Variants in PATJ observed in about 807,000 individuals in gnomAD.
PATJ encodes the protein inaD-like protein.
PATJ carries 190 observed loss-of-function variants against 224.9 expected under a neutral mutation model. The ratio of observed to expected loss-of-function variants is 0.84; its 90% CI spans 0.75 to 0.95. PATJ has a LOEUF of 0.95. PATJ is among the 40% of genes least tolerant of loss of function. The pLI is 0.00. For missense variants in PATJ, 2,121 were observed against 2,270.3 expected, an observed-to-expected ratio of 0.93 and a Z score of 1.34; for synonymous variants, 769 against 820.3, an observed-to-expected ratio of 0.94 and a Z score of 1.07.
intron 31 of PATJ, among the ~76,000 whole-genome samples, chr1:62,075,598 A>C (rs941669190): frequency 2.6e-5 from 4 of 152,144 alleles, no homozygotes; most frequent in Non-Finnish European, 5.9e-5. Context: ...TGAGGGCCTG[A>C]TGAAGTGTAA....
intron 28 of PATJ, among the ~76,000 whole-genome samples, chr1:61,999,387 A>G (rs1486647787): frequency 6.6e-6 from 1 of 152,078 alleles, no homozygotes. Context: ...TTATTTGTAT[A>G]TTTTCTGCCC....
intron 33 of PATJ, chr1:62,100,295 A>G: frequency 1.4e-6 from 1 of 706,410 alleles, no homozygotes; most frequent in Non-Finnish European, 2.6e-6. Context: ...ATTTATTAAA[A>G]AAAGAATTGT....
chr1:62,139,027 TG>T (rs1179874189), intron 41 of PATJ, among the ~76,000 whole-genome samples: 1 of 151,968 alleles, frequency 6.6e-6, no homozygotes, highest in African/African-American at 2.4e-5. Flanking sequence ...TTGCTCCCAC[TG>T]GGTTTCCTCT....
At chr1:62,036,658 G>C (rs943198489) in intron 29 of PATJ, among the ~76,000 whole-genome samples, 1 of 151,868 alleles carries the variant, frequency 6.6e-6, no homozygotes, top group African/African-American at 2.4e-5. Flanking sequence ...CCTAGTTAGA[G>C]GTCATTGAAC....
In PATJ at chr1:62,128,021, C is replaced by T. The variant is rs776775779; in HGVS notation, c.5093C>T (p.Pro1698Leu). ...AGTATTGCTGGAGGAAGAGGAAGTC[C>T]CTTAGGAGATATCCCCGTATTTATT... is the stretch of plus-strand genomic sequence containing the variant. ...GISIAGGRGSPLGDIPVFIAM... is the reference protein window; with the variant it reads ...GISIAGGRGSLLGDIPVFIAM... The change falls in exon 40 of 44, where the codon CCC becomes CTC. Residue 1698 changes from proline to leucine, a missense_variant. Physicochemically the swap from Pro to Leu is moderately conservative, Grantham distance 98. Transcript: ENST00000642238. The T allele has an allele frequency of 6.2e-7, 1 of 1,614,002 alleles. No individual in the cohort carries two copies. Among genetic ancestry groups the T allele is most frequent in the Admixed American group, 1.7e-5 (1 of 60,000 alleles).
chr1:61,875,476 T>A, intron 21 of PATJ, 110 bp downstream of exon 21: 1 of 841,222 alleles, frequency 1.2e-6, no homozygotes, highest in Non-Finnish European at 1.8e-6. Flanking sequence ...TTATGATGCT[T>A]TGAATTTATG....
intron 27 of PATJ, among the ~76,000 whole-genome samples, chr1:61,967,518 G>A (rs1047725708): frequency 2.0e-5 from 3 of 152,206 alleles, no homozygotes; most frequent in Non-Finnish European, 4.4e-5. Context: ...AAGGAAATGT[G>A]TGTGATTTAT....
intron 33 of PATJ, among the ~76,000 whole-genome samples, chr1:62,087,459 C>T (rs1357242526): frequency 6.6e-6 from 1 of 151,886 alleles, no homozygotes; most frequent in African/African-American, 2.4e-5. Context: ...AAGAACCAAT[C>T]AGGAGACAGC....
chr1:62,145,511 G>GTT (rs1667952975), intron 41 of PATJ, among the ~76,000 whole-genome samples: 1 of 151,958 alleles, frequency 6.6e-6, no homozygotes, highest in Admixed American at 6.6e-5. Flanking sequence ...AAAATAAAAA[G>GTT]TTAGCTGGGC....
intron 14 of PATJ, among the ~76,000 whole-genome samples, chr1:61,822,348 G>C (rs536241191): frequency 6.6e-6 from 1 of 151,164 alleles, no homozygotes; most frequent in Non-Finnish European, 1.5e-5. Flanking sequence ...CTTGAACCCG[G>C]GAGGTGAAGG....
intron 27 of PATJ, among the ~76,000 whole-genome samples, chr1:61,988,016 T>A (rs993012595): frequency 6.6e-6 from 1 of 152,106 alleles, no homozygotes; most frequent in Admixed American, 6.6e-5. Context: ...CTGGGCTGCA[T>A]GGCGAAACCC....
At chr1:62,116,999 C>T in intron 36 of PATJ, 133 bp from the exon 37 acceptor site, 2 of 704,680 alleles carry the variant, frequency 2.8e-6, no homozygotes, top group Non-Finnish European at 4.6e-6. Context: ...ATTCATCCTC[C>T]TCTCTCTAGG....
chr1:61,749,257 C>T (rs1222861954), intron 1 of PATJ, among the ~76,000 whole-genome samples: 1 of 151,902 alleles, frequency 6.6e-6, no homozygotes, highest in Non-Finnish European at 1.5e-5. Flanking sequence ...CCACCCGCCT[C>T]AGCCTCTGAA....
chr1:61,810,808 T>C lies in PATJ; in HGVS notation c.1683+2278T>C, dbSNP rs1451368726. Among the ~76,000 whole-genome samples the C allele has an allele frequency of 4.6e-5, 7 of 151,976 alleles. 1 individual carries two copies. On this transcript the variant is annotated intron_variant, in intron 14 of 43. Coordinates refer to ENST00000642238, the MANE Select transcript of PATJ (RefSeq NM_001350145.3). Reference sequence around the variant, plus strand: ...GCGTGGTAGTGGGCACCTGTAATCCTAGCTAGTCAGGAGGCTGAGGCAGGA... The same window carrying C: ...GCGTGGTAGTGGGCACCTGTAATCCCAGCTAGTCAGGAGGCTGAGGCAGGA...
At chr1:61,775,173 A>C (rs1557621850) in intron 6 of PATJ, 33 bp from the exon 7 acceptor site, 1 of 1,593,926 alleles carries the variant, frequency 6.3e-7, no homozygotes, top group Non-Finnish European at 8.5e-7. Context: ...TGTATTACTG[A>C]TACTGCGACT....
chr1:61,775,542 T>G (rs2148400228), intron 7 of PATJ, among the ~76,000 whole-genome samples: 1 of 152,328 alleles, frequency 6.6e-6, no homozygotes, highest in South Asian at 2.1e-4. Context: ...TTGGGGTTTG[T>G]TTTGCTTATA....
intron 41 of PATJ, among the ~76,000 whole-genome samples, chr1:62,133,777 C>T (rs1364440310): frequency 1.5e-5 from 2 of 135,726 alleles, no homozygotes; most frequent in South Asian, 2.3e-4. Flanking sequence ...GACAGAGTTG[C>T]GCTCTGAAGC....
Position 62,117,162 on chromosome 1 carries a change from G to A in PATJ, c.4834G>A (p.Gly1612Arg), listed in dbSNP as rs762434459. The change falls in exon 37 of 44, where the codon GGA becomes AGA. Residue 1612 changes from glycine to arginine, a missense_variant. Coordinates refer to ENST00000642238, the MANE Select transcript of PATJ (RefSeq NM_001350145.3). ...ACAGGGACTTGTGCAGCTAGAGATT[G>A]GAAGACTCCGAGCTGGTTCCTGGAC... ...CAQGLVQLEI[G>R]RLRAGSWTSA... The A allele has an allele frequency of 2.0e-5, 32 of 1,613,982 alleles. No homozygotes were observed. Among genetic ancestry groups the A allele is most frequent in the Non-Finnish European group, 2.5e-5 (30 of 1,179,962 alleles).
intron 25 of PATJ, among the ~76,000 whole-genome samples, chr1:61,914,012 A>G (rs1248031606): frequency 1.3e-5 from 2 of 152,198 alleles, no homozygotes. Context: ...CCCTGATGGC[A>G]TATATATAAC....
Sources: gnomAD v4.1 joint callset for allele counts (sites outside exome capture counted in the v4.1 genomes callset) on GRCh38, gnomAD v4.1.1 for gene constraint, MANE v1.5 for transcripts, NCBI Gene and HGNC (gene_info 2026-07-23, HGNC 2026-07-21) for gene names.